Variants in ZNF521 observed in about 807,000 individuals in gnomAD.
The protein encoded by ZNF521 is LYST-interacting protein 3.
In ZNF521, 14 loss-of-function variants were observed where a neutral mutation model predicts 105.5. The observed-to-expected ratio is 0.13, with a 90% confidence interval of 0.09 to 0.21. The LOEUF (loss-of-function observed/expected upper bound fraction) is 0.21. Ranked by LOEUF, ZNF521 falls within the 10% of genes least tolerant of loss-of-function variation. The probability of loss-of-function intolerance (pLI) is 1.00; values close to 1 mark genes in which losing one functional copy is unlikely to be tolerated. For synonymous variants in ZNF521, 635 were observed against 606.0 expected, an observed-to-expected ratio of 1.05 and a Z score of -0.70; for missense variants, 1,233 against 1,629.7, an observed-to-expected ratio of 0.76 and a Z score of 4.19.
chr18:25,072,152 G>A (rs765699591), intron 7 of ZNF521, among the ~76,000 whole-genome samples: 23 of 152,274 alleles, frequency 1.5e-4, no homozygotes, highest in Non-Finnish European at 3.1e-4. Context: ...AGCCCATGGC[G>A]GTTACCATGT....
At chr18:25,219,092 T>C (rs1189752784) in intron 4 of ZNF521, among the ~76,000 whole-genome samples, 4 of 152,224 alleles carry the variant, frequency 2.6e-5, no homozygotes, top group Non-Finnish European at 4.4e-5. Flanking sequence ...TATTTTCTTT[T>C]CTCTGGTTTA....
chr18:25,141,150 G>A (rs2034840390), intron 5 of ZNF521, among the ~76,000 whole-genome samples: 2 of 152,178 alleles, frequency 1.3e-5, no homozygotes, highest in South Asian at 4.1e-4. Flanking sequence ...AGCTGTTGGT[G>A]ACCAGAACAA....
At chr18:25,316,927 T>C (rs1912665076) in intron 3 of ZNF521, among the ~76,000 whole-genome samples, 1 of 149,222 alleles carries the variant, frequency 6.7e-6, no homozygotes, top group Non-Finnish European at 1.5e-5. Context: ...CGATATCAGC[T>C]CACTGCAACC....
intron 7 of ZNF521, among the ~76,000 whole-genome samples, chr18:25,071,639 G>A (rs1441502283): frequency 1.3e-5 from 2 of 152,084 alleles, no homozygotes; most frequent in Non-Finnish European, 2.9e-5. Context: ...GGGGGTTGGG[G>A]GTGGTACATA....
At chr18:25,162,786 A>C (rs142866629) in intron 5 of ZNF521, among the ~76,000 whole-genome samples, 2 of 152,344 alleles carry the variant, frequency 1.3e-5, no homozygotes, top group Non-Finnish European at 2.9e-5. Flanking sequence ...CTGTGTCTGG[A>C]GTATTTTAAT....
intron 5 of ZNF521, among the ~76,000 whole-genome samples, chr18:25,114,258 T>A (rs2034259375): frequency 6.6e-6 from 1 of 152,204 alleles, no homozygotes; most frequent in Non-Finnish European, 1.5e-5. Context: ...AAACCTTTCA[T>A]GCCTGCTTTC....
chr18:25,253,308 C>T (rs902827113), intron 3 of ZNF521, among the ~76,000 whole-genome samples: 4 of 152,108 alleles, frequency 2.6e-5, no homozygotes, highest in African/African-American at 9.7e-5. Context: ...ACCCTTAACC[C>T]CTGAAGTACA....
chr18:25,273,344 C>T (rs1568048473), intron 3 of ZNF521: 1 of 151,404 alleles, frequency 6.6e-6, no homozygotes, highest in African/African-American at 2.4e-5. Flanking sequence ...CAGGCTAGCC[C>T]TACTGGATAG....
intron 5 of ZNF521, among the ~76,000 whole-genome samples, chr18:25,180,573 A>G (rs1276772207): frequency 2.0e-5 from 3 of 152,046 alleles, no homozygotes; most frequent in Non-Finnish European, 2.9e-5. Context: ...GGCATCTATC[A>G]TAAGTGCAGA....
intron 2 of ZNF521, among the ~76,000 whole-genome samples, chr18:25,347,797 T>C (rs184386448): frequency 4.3e-4 from 66 of 152,350 alleles, no homozygotes; most frequent in African/African-American, 1.6e-3. Flanking sequence ...TGTCTTCATG[T>C]TTTTATCTGC....
chr18:25,349,346 C>A (rs1038032590), intron 2 of ZNF521, among the ~76,000 whole-genome samples: 2 of 152,196 alleles, frequency 1.3e-5, no homozygotes, highest in African/African-American at 4.8e-5. Context: ...TTGGATCTTT[C>A]AGGCCCTGGG....
chr18:25,347,197 T>C (rs1409002874), intron 2 of ZNF521, among the ~76,000 whole-genome samples: 2 of 152,194 alleles, frequency 1.3e-5, no homozygotes, highest in Non-Finnish European at 2.9e-5. Flanking sequence ...TCAAGTACCA[T>C]GTCTACTCTC....
intron 5 of ZNF521, among the ~76,000 whole-genome samples, chr18:25,115,066 C>G (rs780034214): frequency 6.6e-6 from 1 of 152,074 alleles, no homozygotes; most frequent in Non-Finnish European, 1.5e-5. Flanking sequence ...CCTTTCTATG[C>G]CAATGGAAGG....
chr18:25,323,816 G>A (rs1330524855), intron 2 of ZNF521, among the ~76,000 whole-genome samples: 1 of 151,906 alleles, frequency 6.6e-6, no homozygotes, highest in Non-Finnish European at 1.5e-5. Context: ...TTGTTCTAGA[G>A]CTTTCCTTCA....
chr18:25,098,972 G>A (rs552190088), intron 5 of ZNF521, among the ~76,000 whole-genome samples: 2 of 152,236 alleles, frequency 1.3e-5, no homozygotes, highest in African/African-American at 4.8e-5. Context: ...ATTCAGCAAC[G>A]CATTTCAGTT....
chr18:25,159,289 T>C (rs1300995443), intron 5 of ZNF521, among the ~76,000 whole-genome samples: 1 of 152,244 alleles, frequency 6.6e-6, no homozygotes, highest in Non-Finnish European at 1.5e-5. Flanking sequence ...CAATTTTCTT[T>C]TTATTTTCTT....
chr18:25,348,341 TGAAGA>T (rs1298407118), intron 2 of ZNF521, among the ~76,000 whole-genome samples: 1 of 152,194 alleles, frequency 6.6e-6, no homozygotes, highest in Non-Finnish European at 1.5e-5. Flanking sequence ...ATCAAAATAC[TGAAGA>T]GAAGGCTAGG....
At chr18:25,291,561 C>T (rs1173015022) in intron 3 of ZNF521, among the ~76,000 whole-genome samples, 2 of 152,102 alleles carry the variant, frequency 1.3e-5, no homozygotes, top group African/African-American at 4.8e-5. Context: ...TCCTCCTAAG[C>T]AGTTAGTTGA....
chr18:25,073,950 A>G (rs1353227130), intron 7 of ZNF521, among the ~76,000 whole-genome samples: 1 of 152,154 alleles, frequency 6.6e-6, no homozygotes, highest in African/African-American at 2.4e-5. Context: ...AAAGATATAT[A>G]AAAATAAAAC....
Sources: allele counts gnomAD v4.1 joint callset (sites outside exome capture counted in the v4.1 genomes callset), GRCh38; gene constraint gnomAD v4.1.1; transcripts MANE v1.5; gene names NCBI Gene and HGNC (gene_info 2026-07-23, HGNC 2026-07-21).